Variants in PARD6G observed in about 807,000 individuals in gnomAD.
The protein encoded by PARD6G is partitioning defective 6 homolog gamma.
A neutral mutation model predicts 10.7 loss-of-function variants in PARD6G; 7 were observed. The ratio of observed to expected loss-of-function variants is 0.66; its 90% CI spans 0.37 to 1.23. The LOEUF is 1.23. Ranked by LOEUF, PARD6G falls within the 50% of genes most tolerant of loss-of-function variation. The probability of loss-of-function intolerance (pLI) is 0.02; values close to 1 mark genes in which losing one functional copy is unlikely to be tolerated. For synonymous variants in PARD6G, 287 were observed against 269.4 expected, an observed-to-expected ratio of 1.07 and a Z score of -0.64; for missense variants, 548 against 571.8, an observed-to-expected ratio of 0.96 and a Z score of 0.42.
intron 2 of PARD6G, among the ~76,000 whole-genome samples, chr18:80,172,015 C>A (rs935767525): frequency 6.6e-6 from 1 of 152,186 alleles, no homozygotes; most frequent in Admixed American, 6.5e-5. Context: ...GACGCAGAAC[C>A]AAGTTTTTGT....
chr18:80,204,792 T>G (rs1267576305), intron 1 of PARD6G, among the ~76,000 whole-genome samples: 1 of 151,344 alleles, frequency 6.6e-6, no homozygotes, highest in Non-Finnish European at 1.5e-5. Flanking sequence ...CTACTAAAAG[T>G]ACCAAAAAAT....
chr18:80,224,068 C>A (rs1354903000), intron 1 of PARD6G, among the ~76,000 whole-genome samples: 6 of 152,140 alleles, frequency 3.9e-5, no homozygotes, highest in African/African-American at 1.4e-4. Flanking sequence ...TCCACCCTGA[C>A]CCCAAACTAC....
At chr18:80,196,598 C>T (rs981754811) in intron 2 of PARD6G, among the ~76,000 whole-genome samples, 2 of 152,130 alleles carry the variant, frequency 1.3e-5, no homozygotes, top group Admixed American at 6.6e-5. Flanking sequence ...CAGGAGAATA[C>T]AAGTTAGTCA....
At position 80,159,846 on chromosome 18, in the gene PARD6G, C is replaced by T; in HGVS notation, c.1056G>A (p.Leu352=). ...DGGLQRLLSS[L]RADPRHSLAL... The stretch of plus-strand genomic sequence containing the variant: ...CCAGGCTGTGACGGGGGTCGGCCCG[C>T]AGGGAGCTGAGCAGCCGCTGGAGGC... Residue 352 remains leucine (L), a synonymous_variant, in exon 3 of 3, where the codon CTG becomes CTA. Transcript: ENST00000353265. The T allele has an allele frequency of 6.7e-7, 1 of 1,498,824 alleles. No homozygotes were observed. Among genetic ancestry groups the T allele is most frequent in the Non-Finnish European group, 8.9e-7 (1 of 1,129,154 alleles). 92.8% of individuals were successfully genotyped at this position (1,498,824 alleles called of 1,614,324 possible).
chr18:80,174,673 G>A (rs1311237493), intron 2 of PARD6G, among the ~76,000 whole-genome samples: 2 of 152,128 alleles, frequency 1.3e-5, no homozygotes. Context: ...GTTCATTGTA[G>A]GCTGGGTGCG....
chr18:80,220,127 A>G (rs1192232650), intron 1 of PARD6G, among the ~76,000 whole-genome samples: 1 of 152,196 alleles, frequency 6.6e-6, no homozygotes, highest in Non-Finnish European at 1.5e-5. Flanking sequence ...CTTACAATTC[A>G]TGGTGGAAGG....
At chr18:80,164,206 G>C (rs1316046467) in intron 2 of PARD6G, among the ~76,000 whole-genome samples, 1 of 152,210 alleles carries the variant, frequency 6.6e-6, no homozygotes, top group Non-Finnish European at 1.5e-5. Context: ...TCTGGTGCCA[G>C]AGAGACTAAG....
At position 80,159,900 on chromosome 18, in the gene PARD6G, C is replaced by A. The variant is rs201746048; in HGVS notation, c.1002G>T (p.Arg334=). Residue 334 remains arginine, a synonymous_variant, in exon 3 of 3, where the codon CGG becomes CGT. Transcript: ENST00000353265. ...SRVNGAGLAQ[R]LQRDLALDGG... is the part of the protein sequence containing the mutation. ...CGTCCAGGGCCAGGTCCCGCTGCAG[C>A]CGCTGCGCCAGGCCCGCGCCATTGA... 2.4e-4 allele frequency: 358 copies of A among 1,514,026 alleles called. 2 individuals carry two copies. In the African/African-American group the frequency reaches 4.1e-3, roughly 17 times the overall value. 93.8% of individuals were successfully genotyped at this position (1,514,026 alleles called of 1,614,324 possible). A position where few individuals can be genotyped will look rare whatever the true frequency, so the allele number is the denominator to read the frequency against.
In PARD6G at chr18:80,188,260, A is replaced by G. The variant is rs779919524; in HGVS notation, c.295+14450T>C. On this transcript the variant is annotated intron_variant, in intron 2 of 2. Transcript: ENST00000353265. This position sits in a 1 kb window ranked among gnomAD's most constrained non-coding sequence, Gnocchi z 5.4. The stretch of plus-strand genomic sequence containing the variant: ...GCTGGCCCCACCCTGGCCTCTCCCT[A>G]AGGGCGTGGAGGTGGCCTGATCTCA... 3.0e-4 allele frequency among the ~76,000 whole-genome samples: 45 copies of G among 152,152 alleles called. No homozygotes were observed. Among genetic ancestry groups the G allele is most frequent in the Non-Finnish European group, 6.2e-4 (42 of 67,970 alleles).
At position 80,182,929 on chromosome 18, in the gene PARD6G, C is replaced by T; in HGVS notation, c.295+19781G>A. On this transcript the variant is annotated intron_variant, in intron 2 of 2. Transcript: ENST00000353265. The surrounding 1 kb of genome is among the most constrained non-coding windows in gnomAD (Gnocchi z 4.5). ...TTGGCTGAAGCTGCGTGTGCCACAA[C>T]ACTGCAGGCCCCACACCACGCAGCC... The T allele has an allele frequency of 3.3e-6, 2 of 598,040 alleles. No individual in the cohort carries two copies. Among genetic ancestry groups the T allele is most frequent in the South Asian group, 2.0e-5 (1 of 49,804 alleles). 37.0% of individuals were successfully genotyped at this position (598,040 alleles called of 1,614,324 possible).
At chr18:80,237,674 C>T (rs1296719327) in intron 1 of PARD6G, among the ~76,000 whole-genome samples, 1 of 152,142 alleles carries the variant, frequency 6.6e-6, no homozygotes, top group South Asian at 2.1e-4. Context: ...ACCCCATCAA[C>T]AAGTGGGTGA....
At chr18:80,179,912 C>T (rs1437151781) in intron 2 of PARD6G, among the ~76,000 whole-genome samples, 1 of 152,232 alleles carries the variant, frequency 6.6e-6, no homozygotes, top group Non-Finnish European at 1.5e-5. Context: ...GAATTGAAGC[C>T]ACATGAAGGT....
chr18:80,159,951 G>A lies in PARD6G; in HGVS notation c.951C>T (p.Gly317=). Residue 317 remains glycine, a synonymous_variant, in exon 3 of 3, where the codon GGC becomes GGT. Coordinates refer to ENST00000353265, the MANE Select transcript of PARD6G (RefSeq NM_032510.4). ...CCCGGGAGAGGCTGCCTGCGGGCGC[G>A]CCCGGGGTCTGGGGGGGACGTGCAG... ...LEPARPPQTP[G]APAGSLSRVN... 2 of 1,494,828 alleles carry A rather than the reference G, an allele frequency of 1.3e-6. No homozygotes were observed. The highest frequency in any genetic ancestry group is 1.8e-6 in the Non-Finnish European group (2 of 1,132,306). The allele number at this position is 1,494,828 out of a possible 1,614,324, so 92.6% of individuals were successfully genotyped here.
rs1411903597 is a variant in PARD6G, at chr18:80,228,893, T to G, written c.72+18384A>C. Among the ~76,000 whole-genome samples, 1 of 152,184 alleles carries G rather than the reference T, an allele frequency of 6.6e-6. No homozygotes were observed. Among genetic ancestry groups the G allele is most frequent in the Non-Finnish European group, 1.5e-5 (1 of 68,032 alleles). ...GGAAACAGTAAGTGCATCAAACACA[T>G]GAAAGCACATTTCCAGGTGGAGATA... On this transcript the variant is annotated intron_variant, in intron 1 of 2. Coordinates refer to ENST00000353265, the MANE Select transcript of PARD6G (RefSeq NM_032510.4). This position sits in a 1 kb window ranked among gnomAD's most constrained non-coding sequence, Gnocchi z 4.6.
At chr18:80,242,560 A>G (rs1003906421) in intron 1 of PARD6G, among the ~76,000 whole-genome samples, 3 of 152,200 alleles carry the variant, frequency 2.0e-5, no homozygotes, top group Non-Finnish European at 4.4e-5. Context: ...CAGCCAGCCC[A>G]CCAACAGGCT....
intron 2 of PARD6G, among the ~76,000 whole-genome samples, chr18:80,194,806 C>A (rs754576491): frequency 3.3e-5 from 5 of 152,062 alleles, no homozygotes; most frequent in Non-Finnish European, 7.4e-5. Flanking sequence ...GGAAATGATA[C>A]CCATGGGAAC....
At position 80,210,309 on chromosome 18, in the gene PARD6G, C is replaced by T. The variant is rs1339119081; in HGVS notation, c.73-7377G>A. 3.3e-5 allele frequency among the ~76,000 whole-genome samples: 5 copies of T among 152,168 alleles called. 1 individual carries two copies. In the South Asian group the frequency reaches 6.2e-4, roughly 19 times the overall value. ...CTGTCAAAACCAACTTTTAGAGAAC[C>T]GTGGAAATTAATCAATGGCTTGCAA... On this transcript the variant is annotated intron_variant, in intron 1 of 2. Transcript: ENST00000353265.
At chr18:80,185,384 C>G (rs955298683) in intron 2 of PARD6G, among the ~76,000 whole-genome samples, 7 of 152,162 alleles carry the variant, frequency 4.6e-5, no homozygotes, top group Non-Finnish European at 8.8e-5. Flanking sequence ...AAGCCATCCT[C>G]CTGCCTCAGC....
At chr18:80,241,915 T>A (rs1967494483) in intron 1 of PARD6G, among the ~76,000 whole-genome samples, 1 of 152,214 alleles carries the variant, frequency 6.6e-6, no homozygotes, top group African/African-American at 2.4e-5. Flanking sequence ...GTACTAATTC[T>A]GGACGTGATT....
Sources: gnomAD v4.1 joint callset for allele counts (sites outside exome capture counted in the v4.1 genomes callset) on GRCh38, gnomAD v4.1.1 for gene constraint, Gnocchi (gnomAD v3.1) non-coding constraint, MANE v1.5 for transcripts, NCBI Gene and HGNC (gene_info 2026-07-23, HGNC 2026-07-21) for gene names.